TMEM223: variants seen among roughly 807,000 people sequenced by gnomAD.
The protein encoded by TMEM223 is transmembrane protein 223.
TMEM223 carries 14 observed loss-of-function variants against 14.1 expected under a neutral mutation model. The ratio of observed to expected loss-of-function variants is 0.99; its 90% CI spans 0.66 to 1.55. TMEM223 has a LOEUF of 1.55. Ranked by LOEUF, TMEM223 falls within the 40% of genes most tolerant of loss-of-function variation. The pLI is 0.00. For synonymous variants in TMEM223, 145 were observed against 120.5 expected (o/e 1.20, Z -1.33); for missense variants, 346 against 269.9 (o/e 1.28, Z -1.97).
chr11:62,787,161 C>G, downstream of TMEM223: 1 of 1,579,854 alleles, frequency 6.3e-7, no homozygotes. Flanking sequence ...GGCGCCTTTT[C>G]CAGACTGCCT....
At chr11:62,788,898 T>C (rs2084323617), downstream of TMEM223, 12 of 1,068,728 alleles carry the variant, frequency 1.1e-5, no homozygotes, top group Non-Finnish European at 1.6e-5. Flanking sequence ...GAAATAGGAA[T>C]TGACGGTGCA....
At chr11:62,775,767 C>T (rs1347320079) in intron 1 of TMEM223, 1 of 1,598,962 alleles carries the variant, frequency 6.3e-7, no homozygotes, top group Non-Finnish European at 8.5e-7. Context: ...TTCTCCACTC[C>T]CAGCTCCACT....
downstream of TMEM223, chr11:62,771,223 T>A (rs1267494175): frequency 6.6e-6 from 1 of 152,252 alleles, no homozygotes; most frequent in Non-Finnish European, 1.5e-5. Flanking sequence ...CTCGCAAACG[T>A]AGCAAGAGAG....
chr11:62,783,298 C>T (rs1457259150), downstream of TMEM223, among the ~76,000 whole-genome samples: 9 of 152,148 alleles, frequency 5.9e-5, no homozygotes, highest in Non-Finnish European at 5.9e-5. Context: ...CTGGCTAACA[C>T]GGTGAAACCC....
At chr11:62,771,251 G>A (rs986439767), downstream of TMEM223, 1 of 152,286 alleles carries the variant, frequency 6.6e-6, no homozygotes. Flanking sequence ...TAAGAAGCGG[G>A]AATCTTCAGC....
At position 62,776,429 on chromosome 11, in the gene TMEM223, G is replaced by C. The variant is rs749726160; in HGVS notation, c.315-1764C>G. 1.9e-6 allele frequency: 3 copies of C among 1,613,854 alleles called. No homozygotes were observed. In the Admixed American group the frequency reaches 5.0e-5, roughly 27 times the overall value. On this transcript the variant is annotated intron_variant, in intron 1 of 2. Transcript: ENST00000528367. ...GCACACCAAACGCCGGAAGCTGACG[G>C]TTGAGGACTTCAACAGGGCCCTCAG...
intron 1 of TMEM223, chr11:62,778,448 C>T (rs2084203301): frequency 1.5e-6 from 2 of 1,314,814 alleles, no homozygotes; most frequent in Non-Finnish European, 1.1e-6. Context: ...CCCATGCCTG[C>T]CTTGTGCCAT....
chr11:62,788,520 CG>C (rs1480672422), downstream of TMEM223, among the ~76,000 whole-genome samples: 5 of 151,842 alleles, frequency 3.3e-5, no homozygotes, highest in Non-Finnish European at 7.4e-5. Context: ...CTGGCCAACA[CG>C]GTGAAACCCT....
At chr11:62,787,465 G>C (rs771789021), downstream of TMEM223, 39 of 1,575,728 alleles carry the variant, frequency 2.5e-5, no homozygotes, top group African/African-American at 3.4e-4. Context: ...CGTCGAGCTT[G>C]CGCTCTTTGC....
intron 1 of TMEM223, chr11:62,776,486 G>A (rs1311062509): frequency 6.8e-6 from 11 of 1,612,178 alleles, no homozygotes; most frequent in Non-Finnish European, 8.5e-6. Flanking sequence ...TGGGGTGCAG[G>A]CTACAGAGGG....
chr11:62,771,876 A>C, exon 3 of TMEM223: 1 of 305,714 alleles, frequency 3.3e-6, no homozygotes, highest in South Asian at 2.6e-5. Context: ...CTCCCATTTT[A>C]CAGATAGGGA....
intron 1 of TMEM223, chr11:62,774,668 G>C (rs1231378503): frequency 2.2e-6 from 1 of 454,774 alleles, no homozygotes; most frequent in Non-Finnish European, 4.4e-6. Context: ...GCTATACCCT[G>C]TGAACAAAAC....
At chr11:62,773,470 G>A (rs1458045471) in intron 2 of TMEM223, among the ~76,000 whole-genome samples, 1 of 140,530 alleles carries the variant, frequency 7.1e-6, no homozygotes, top group African/African-American at 2.7e-5. Flanking sequence ...TTTTTGAGAC[G>A]GAGTTTTCCC....
At chr11:62,786,547 G>A, downstream of TMEM223, 1 of 1,553,902 alleles carries the variant, frequency 6.4e-7, no homozygotes, top group Non-Finnish European at 8.7e-7. Flanking sequence ...GAAGATGAAG[G>A]CCCAGGCAGC....
downstream of TMEM223, chr11:62,788,939 C>T (rs2084324485): frequency 6.3e-6 from 9 of 1,432,488 alleles, no homozygotes; most frequent in Non-Finnish European, 7.6e-6. Context: ...AGGACCATTC[C>T]TAAGTTATCA....
chr11:62,791,554 T>C lies in TMEM223; in HGVS notation c.316+125A>G. 4.0e-6 allele frequency: 5 copies of C among 1,239,526 alleles called. No individual in the cohort carries two copies. The East Asian group carries it at 1.3e-4, about 32-fold the overall frequency. The allele number at this position is 1,239,526 out of a possible 1,614,324, so 76.8% of individuals were successfully genotyped here. The stretch of plus-strand genomic sequence containing the variant: ...CGCCGCGCCCGGCCAGTGTTTCACA[T>C]TTCTGTGGGGTAAAGCCCGCCCGCC... On this transcript the variant is annotated intron_variant, in intron 1 of 1. Transcript: ENST00000307366.
downstream of TMEM223, chr11:62,787,796 C>T (rs929867642): frequency 1.5e-6 from 1 of 677,016 alleles, no homozygotes; most frequent in Non-Finnish European, 2.7e-6. Flanking sequence ...TTTCGTGGCT[C>T]CTGCTGCACA....
chr11:62,787,219 C>T (rs2084291291), downstream of TMEM223: 8 of 1,587,544 alleles, frequency 5.0e-6, no homozygotes, highest in Non-Finnish European at 6.8e-6. Flanking sequence ...CGTGCAGAAA[C>T]TGCCCATGAT....
At chr11:62,778,350 A>G in intron 1 of TMEM223, 2 of 1,614,152 alleles carry the variant, frequency 1.2e-6, no homozygotes, top group Non-Finnish European at 8.5e-7. Flanking sequence ...GGGGTGATGT[A>G]GGAAACAGGC....
Sources: gnomAD v4.1 joint callset for allele counts (sites outside exome capture counted in the v4.1 genomes callset) on GRCh38, gnomAD v4.1.1 for gene constraint, MANE v1.5 for transcripts, NCBI Gene and HGNC (gene_info 2026-07-23, HGNC 2026-07-21) for gene names.